PRKN: variants seen among roughly 807,000 people sequenced by gnomAD.
The protein encoded by PRKN is E3 ubiquitin-protein ligase parkin.
PRKN carries 56 observed loss-of-function variants against 59.5 expected under a neutral mutation model. The ratio of observed to expected loss-of-function variants is 0.94; its 90% confidence interval spans 0.76 to 1.18. The LOEUF is 1.18. PRKN is among the 50% of genes most tolerant of loss of function. The pLI, the probability that PRKN is intolerant of heterozygous loss-of-function variation, is 0.00. For synonymous variants in PRKN, 250 were observed against 222.1 expected (o/e 1.13, Z -1.12); for missense variants, 657 against 596.4 (o/e 1.10, Z -1.06).
At position 161,679,683 on chromosome 6, in the gene PRKN, C is replaced by CG. The variant is rs1220954631; in HGVS notation, c.871+106088_871+106089insC. Among the ~76,000 whole-genome samples the CG allele has an allele frequency of 7.5e-3, 972 of 128,752 alleles. 11 individuals are homozygous for CG. The highest frequency in any genetic ancestry group is 0.022 in the Middle Eastern group (5 of 230). The allele number at this position is 128,752 out of a possible 152,430, so 84.5% of individuals were successfully genotyped here. A position where few individuals can be genotyped will look rare whatever the true frequency, so the allele number is the denominator to read the frequency against. ...GGTTTATAATAGAACCACCCCCCCC[C>CG]CTTTTTTTTTTTTAAGAAACAGGAT... On this transcript the variant is annotated intron_variant, in intron 7 of 11. Coordinates refer to ENST00000366898, the MANE Select transcript of PRKN (RefSeq NM_004562.3).
intron 1 of PRKN, among the ~76,000 whole-genome samples, chr6:162,668,672 G>A (rs533310803): frequency 5.2e-4 from 79 of 152,264 alleles, no homozygotes; most frequent in African/African-American, 1.7e-3. Context: ...GAACTCAAGC[G>A]TTGACACAAA....
intron 4 of PRKN, among the ~76,000 whole-genome samples, chr6:162,117,752 CAG>C (rs1015982914): frequency 6.6e-6 from 1 of 152,160 alleles, no homozygotes; most frequent in African/African-American, 2.4e-5. Flanking sequence ...CCTCTATGCA[CAG>C]AGAGAAACAT....
At chr6:162,033,133 T>C (rs1180659700) in intron 5 of PRKN, among the ~76,000 whole-genome samples, 1 of 152,214 alleles carries the variant, frequency 6.6e-6, no homozygotes, top group African/African-American at 2.4e-5. Flanking sequence ...CTCCATCACT[T>C]TTCACAGCTC....
chr6:161,996,719 C>T (rs921377468), intron 5 of PRKN, among the ~76,000 whole-genome samples: 1 of 151,994 alleles, frequency 6.6e-6, no homozygotes, highest in East Asian at 1.9e-4. Flanking sequence ...CACTATTCAG[C>T]ATTAGTTAGT....
intron 2 of PRKN, among the ~76,000 whole-genome samples, chr6:162,437,827 C>A (rs1241624647): frequency 2.0e-5 from 3 of 152,080 alleles, no homozygotes; most frequent in African/African-American, 7.2e-5. Flanking sequence ...AACCACAGAT[C>A]CACTGAAAGA....
At chr6:161,757,933 G>GTGTGTGTATATATA (rs1554301354) in intron 7 of PRKN, among the ~76,000 whole-genome samples, 1 of 101,432 alleles carries the variant, frequency 9.9e-6, no homozygotes, top group African/African-American at 3.8e-5. Flanking sequence ...CTCTCTCTCT[G>GTGTGTGTATATATA]TATATATATG....
At chr6:162,276,159 T>A (rs1780630223) in intron 2 of PRKN, among the ~76,000 whole-genome samples, 1 of 152,208 alleles carries the variant, frequency 6.6e-6, no homozygotes, top group African/African-American at 2.4e-5. Context: ...ACGAGTTCAA[T>A]CTGATATTTC....
chr6:161,885,531 G>A (rs894620313), intron 6 of PRKN, among the ~76,000 whole-genome samples: 2 of 152,026 alleles, frequency 1.3e-5, no homozygotes, highest in Non-Finnish European at 2.9e-5. Context: ...CAGGCGTGGT[G>A]GCGGGCCCCT....
intron 10 of PRKN, among the ~76,000 whole-genome samples, chr6:161,382,142 AAAACAAAC>A (rs371295234): frequency 6.7e-6 from 1 of 148,886 alleles, no homozygotes; most frequent in Non-Finnish European, 1.5e-5. Flanking sequence ...AATCAAAACA[AAAACAAAC>A]AAACAAACAA....
In PRKN at chr6:161,560,956, C is replaced by G. The variant is rs559725746; in HGVS notation, c.933+8399G>C. On this transcript the variant is annotated intron_variant, in intron 8 of 11. Coordinates refer to ENST00000366898, the MANE Select transcript of PRKN (RefSeq NM_004562.3). The surrounding 1 kb of genome is among the most constrained non-coding windows in gnomAD (Gnocchi z 4.9). ...ATGGCAAAATTCCACGCCTGGAAAA[C>G]ATCACCTCCACCTTCCCTGGGCGTG... Among the ~76,000 whole-genome samples the G allele has an allele frequency of 6.6e-6, 1 of 152,162 alleles. No homozygotes were observed. The highest frequency in any genetic ancestry group is 1.5e-5 in the Non-Finnish European group (1 of 68,020).
At chr6:161,994,753 A>T (rs1255634718) in intron 5 of PRKN, among the ~76,000 whole-genome samples, 1 of 152,140 alleles carries the variant, frequency 6.6e-6, no homozygotes, top group Non-Finnish European at 1.5e-5. Context: ...AAATTTAACC[A>T]AGGAGGTAGA....
chr6:161,972,907 C>A (rs1370141699), intron 6 of PRKN, among the ~76,000 whole-genome samples: 3 of 151,998 alleles, frequency 2.0e-5, no homozygotes, highest in African/African-American at 2.4e-5. Context: ...GTGGCACATG[C>A]CTAATGTTAA....
chr6:162,155,455 G>A (rs1052575226), intron 4 of PRKN, among the ~76,000 whole-genome samples: 2 of 152,100 alleles, frequency 1.3e-5, no homozygotes, highest in Admixed American at 1.3e-4. Context: ...GCAGCACTAT[G>A]AGACTACCAG....
intron 2 of PRKN, among the ~76,000 whole-genome samples, chr6:162,377,919 A>C (rs868732164): frequency 5.9e-5 from 9 of 152,188 alleles, no homozygotes; most frequent in Admixed American, 1.3e-4. Flanking sequence ...GGGCAAGAGG[A>C]GGAAAGAAAA....
intron 7 of PRKN, among the ~76,000 whole-genome samples, chr6:161,770,693 C>T (rs1789629755): frequency 6.6e-6 from 1 of 152,120 alleles, no homozygotes; most frequent in Non-Finnish European, 1.5e-5. Context: ...GTCTTGAACT[C>T]CTGACCTCAG....
intron 1 of PRKN, among the ~76,000 whole-genome samples, chr6:162,680,940 G>C (rs1181600530): frequency 1.3e-5 from 2 of 152,014 alleles, no homozygotes; most frequent in East Asian, 1.9e-4. Flanking sequence ...ATTGGAAAAG[G>C]CACCATTATA....
chr6:161,719,564 G>A (rs967464640), intron 7 of PRKN, among the ~76,000 whole-genome samples: 11 of 152,136 alleles, frequency 7.2e-5, no homozygotes, highest in African/African-American at 2.4e-4. Context: ...ATCTCTGTGT[G>A]CACATTTAAA....
At chr6:161,839,892 T>C (rs928067203) in intron 6 of PRKN, among the ~76,000 whole-genome samples, 2 of 152,216 alleles carry the variant, frequency 1.3e-5, no homozygotes, top group African/African-American at 4.8e-5. Context: ...GTGACAGTTT[T>C]AAGGGAGCTT....
intron 2 of PRKN, among the ~76,000 whole-genome samples, chr6:162,415,443 G>A (rs1788581013): frequency 6.6e-6 from 1 of 152,158 alleles, no homozygotes; most frequent in African/African-American, 2.4e-5. Context: ...TATCACTCAT[G>A]TATCTAAATA....
Sources: allele counts gnomAD v4.1 joint callset (sites outside exome capture counted in the v4.1 genomes callset), GRCh38; gene constraint gnomAD v4.1.1; non-coding constraint Gnocchi (gnomAD v3.1); transcripts MANE v1.5; gene names NCBI Gene and HGNC (gene_info 2026-07-23, HGNC 2026-07-21).